RANBP17: variants seen among roughly 807,000 people sequenced by gnomAD.
RANBP17 encodes the protein ran-binding protein 17.
A neutral mutation model predicts 141.2 loss-of-function variants in RANBP17; 158 were observed. The observed-to-expected ratio is 1.12, with a 90% CI of 0.98 to 1.28. The LOEUF is 1.28. RANBP17 is among the 50% of genes most tolerant of loss of function. The pLI is 0.00. For missense variants in RANBP17, 1,438 were observed against 1,290.7 expected (o/e 1.11, Z -1.75); for synonymous variants, 430 against 450.0 (o/e 0.96, Z 0.56).
intron 21 of RANBP17, among the ~76,000 whole-genome samples, chr5:171,220,561 G>A (rs1227663753): frequency 1.4e-5 from 2 of 145,958 alleles, no homozygotes; most frequent in African/African-American, 5.1e-5. Flanking sequence ...TGATTCTCCT[G>A]CCTCAGCCTC....
chr5:170,955,423 A>G (rs530275014), intron 13 of RANBP17, among the ~76,000 whole-genome samples: 1 of 143,820 alleles, frequency 7.0e-6, no homozygotes, highest in East Asian at 2.0e-4. Context: ...TTTTGTGATG[A>G]TCTCTTCTAA....
intron 14 of RANBP17, among the ~76,000 whole-genome samples, chr5:171,088,809 T>C (rs1010414806): frequency 1.3e-5 from 2 of 152,172 alleles, no homozygotes; most frequent in African/African-American, 2.4e-5. Flanking sequence ...GGTTTTCAGC[T>C]CCATCAGCTC....
In RANBP17 at chr5:170,924,406, T is replaced by C. The variant is rs767363176; in HGVS notation, c.1324T>C (p.Leu442=). 4 of 1,608,112 alleles carry C rather than the reference T, an allele frequency of 2.5e-6. No homozygotes were observed. The South Asian group carries it at 4.4e-5, about 18-fold the overall frequency. Residue 442 remains leucine (L), a synonymous_variant, in exon 12 of 28, where the codon TTG becomes CTG. Transcript: ENST00000523189. ...TGATACTGCCACTGTGTTTCAGCAG[T>C]TGGAGCAGTTGTGCACGGTCAGCAG... ...LDDTATVFQQ[L]EQLCTVSRCE...
intron 14 of RANBP17, among the ~76,000 whole-genome samples, chr5:170,989,055 A>G (rs1778338895): frequency 6.6e-6 from 1 of 151,862 alleles, no homozygotes; most frequent in Non-Finnish European, 1.5e-5. Flanking sequence ...ATAAAGTCAT[A>G]GGCAAACCCT....
At chr5:170,864,265 C>T (rs1767056933) in intron 1 of RANBP17, among the ~76,000 whole-genome samples, 2 of 152,172 alleles carry the variant, frequency 1.3e-5, no homozygotes, top group Admixed American at 1.3e-4. Flanking sequence ...AAAATTATAC[C>T]ATCAAGATGA....
chr5:171,050,766 A>G (rs558573545), intron 14 of RANBP17, among the ~76,000 whole-genome samples: 2 of 152,282 alleles, frequency 1.3e-5, no homozygotes, highest in African/African-American at 2.4e-5. Flanking sequence ...TTCACTCCAG[A>G]TAGTCCAAGT....
intron 14 of RANBP17, among the ~76,000 whole-genome samples, chr5:171,132,907 C>T (rs1269081283): frequency 6.0e-5 from 9 of 150,858 alleles, no homozygotes; most frequent in Admixed American, 2.6e-4. Context: ...TTTTTTGAGA[C>T]GGAGTTTCGC....
intron 14 of RANBP17, among the ~76,000 whole-genome samples, chr5:171,153,733 T>G (rs1758649782): frequency 6.6e-6 from 1 of 152,214 alleles, no homozygotes; most frequent in Non-Finnish European, 1.5e-5. Context: ...TTCAGCTTCA[T>G]GTTTTCCACT....
At chr5:170,913,959 G>C (rs1431818545) in intron 7 of RANBP17, among the ~76,000 whole-genome samples, 1 of 152,068 alleles carries the variant, frequency 6.6e-6, no homozygotes, top group Non-Finnish European at 1.5e-5. Context: ...TAGAGGAAGT[G>C]CTACATGAGG....
intron 14 of RANBP17, among the ~76,000 whole-genome samples, chr5:171,164,684 C>T (rs553631458): frequency 6.6e-6 from 1 of 152,058 alleles, no homozygotes; most frequent in Non-Finnish European, 1.5e-5. Context: ...AATGATAATT[C>T]CTTACATTTC....
intron 14 of RANBP17, among the ~76,000 whole-genome samples, chr5:171,003,272 T>A (rs1346664144): frequency 6.6e-6 from 1 of 152,106 alleles, no homozygotes. Flanking sequence ...GTGGGAGCAG[T>A]CTCTACAGCT....
chr5:171,237,027 G>A (rs1424301258), intron 22 of RANBP17, among the ~76,000 whole-genome samples: 1 of 152,162 alleles, frequency 6.6e-6, no homozygotes, highest in Non-Finnish European at 1.5e-5. Context: ...ACATCCTGGA[G>A]TCAGTCACTC....
intron 12 of RANBP17, among the ~76,000 whole-genome samples, chr5:170,933,022 C>T (rs928503477): frequency 6.6e-6 from 1 of 152,170 alleles, no homozygotes; most frequent in African/African-American, 2.4e-5. Context: ...TAGAATTCGG[C>T]TGTGAATCCA....
chr5:170,947,502 TG>T (rs148322041), intron 12 of RANBP17, among the ~76,000 whole-genome samples: 1 of 152,050 alleles, frequency 6.6e-6, no homozygotes, highest in Non-Finnish European at 1.5e-5. Context: ...TAGGAAATGC[TG>T]GGGGGGATTG....
intron 12 of RANBP17, among the ~76,000 whole-genome samples, chr5:170,936,565 A>G (rs1773896884): frequency 1.3e-5 from 2 of 152,112 alleles, no homozygotes; most frequent in Admixed American, 1.3e-4. Flanking sequence ...TGATTTTTAA[A>G]TTTTACCTAC....
intron 14 of RANBP17, among the ~76,000 whole-genome samples, chr5:171,037,936 A>T (rs935900270): frequency 1.3e-5 from 2 of 151,970 alleles, no homozygotes; most frequent in Admixed American, 1.3e-4. Flanking sequence ...ATTTTAGAAT[A>T]GTTTTTTTTT....
intron 25 of RANBP17, chr5:171,271,097 T>C (rs1767088793): frequency 1.6e-5 from 2 of 125,524 alleles, no homozygotes; most frequent in African/African-American, 6.8e-5. Context: ...TTTTTTTTTT[T>C]TTTTTTTTTT....
At chr5:171,039,440 T>G (rs1242618279) in intron 14 of RANBP17, among the ~76,000 whole-genome samples, 2 of 152,012 alleles carry the variant, frequency 1.3e-5, no homozygotes, top group African/African-American at 4.8e-5. Context: ...TTTGTTTTTG[T>G]TTTTTTGCTT....
chr5:171,289,615 T>C (rs1768366808), intron 25 of RANBP17, among the ~76,000 whole-genome samples: 1 of 152,074 alleles, frequency 6.6e-6, no homozygotes, highest in Admixed American at 6.5e-5. Flanking sequence ...GGCACCTGCC[T>C]GTAGTCCCAG....
Sources: gnomAD v4.1 joint callset for allele counts (sites outside exome capture counted in the v4.1 genomes callset) on GRCh38, gnomAD v4.1.1 for gene constraint, MANE v1.5 for transcripts, NCBI Gene and HGNC (gene_info 2026-07-23, HGNC 2026-07-21) for gene names.